CSMD1: variants seen among roughly 807,000 people sequenced by gnomAD.
The protein encoded by CSMD1 is CUB and Sushi multiple domains 1.
Under a neutral mutation model 417.5 loss-of-function variants are expected in CSMD1, and 213 were observed. That is an observed-to-expected ratio of 0.51 (90% CI 0.46 to 0.57). CSMD1 has a LOEUF of 0.57. Ranked by LOEUF, CSMD1 falls within the 20% of genes least tolerant of loss-of-function variation. The probability of loss-of-function intolerance (pLI) is 0.00; values close to 1 mark genes in which losing one functional copy is unlikely to be tolerated. For missense variants in CSMD1, 6,923 were observed against 4,529.7 expected (o/e 1.53, Z -15.17); for synonymous variants, 2,862 against 1,736.8 (o/e 1.65, Z -16.11).
At chr8:3,365,103 C>T (rs1809466915) in intron 20 of CSMD1, among the ~76,000 whole-genome samples, 1 of 152,044 alleles carries the variant, frequency 6.6e-6, no homozygotes, top group South Asian at 2.1e-4. Flanking sequence ...CATAGCAATA[C>T]TAATTGAGAT....
chr8:3,640,437 G>T (rs1304123514), intron 7 of CSMD1, among the ~76,000 whole-genome samples: 1 of 152,110 alleles, frequency 6.6e-6, no homozygotes, highest in East Asian at 1.9e-4. Context: ...TCTTTCCTAT[G>T]TCCTCGGACT....
intron 25 of CSMD1, among the ~76,000 whole-genome samples, chr8:3,288,335 C>T (rs1387802024): frequency 1.4e-5 from 2 of 147,088 alleles, no homozygotes; most frequent in Non-Finnish European, 2.9e-5. Context: ...GGGAGGATTC[C>T]TTCTTTTTCT....
intron 2 of CSMD1, among the ~76,000 whole-genome samples, chr8:4,441,532 A>G (rs1166159660): frequency 6.6e-6 from 1 of 152,092 alleles, no homozygotes; most frequent in Non-Finnish European, 1.5e-5. Context: ...TTCAATTTTC[A>G]TGTGCAAAAC....
intron 21 of CSMD1, among the ~76,000 whole-genome samples, chr8:3,349,976 C>G (rs1015578937): frequency 7.2e-6 from 1 of 139,788 alleles, no homozygotes; most frequent in African/African-American, 2.7e-5. Flanking sequence ...ACCTATAATA[C>G]CTATAATTAC....
chr8:4,406,840 C>G (rs1053914468), intron 3 of CSMD1, among the ~76,000 whole-genome samples: 2 of 152,146 alleles, frequency 1.3e-5, no homozygotes, highest in Non-Finnish European at 2.9e-5. Flanking sequence ...TACAGCAAAA[C>G]TATTAAAATG....
intron 1 of CSMD1, 52 bp downstream of exon 1, chr8:4,994,280 G>C (rs1381845491): frequency 9.8e-6 from 15 of 1,536,560 alleles, no homozygotes; most frequent in Non-Finnish European, 1.3e-5. Flanking sequence ...GTCCGCACAC[G>C]GGGCCTCCGA....
intron 46 of CSMD1, among the ~76,000 whole-genome samples, chr8:3,100,920 G>A (rs1267586897): frequency 6.6e-6 from 1 of 152,140 alleles, no homozygotes; most frequent in Non-Finnish European, 1.5e-5. Flanking sequence ...TGTGATGCCT[G>A]CTATTATCCA....
At chr8:4,416,452 A>C (rs992020486) in intron 3 of CSMD1, among the ~76,000 whole-genome samples, 2 of 152,094 alleles carry the variant, frequency 1.3e-5, no homozygotes, top group African/African-American at 4.8e-5. Flanking sequence ...TTGAAATTAT[A>C]TTCATAATAA....
chr8:4,984,671 A>G (rs146844508), intron 1 of CSMD1, among the ~76,000 whole-genome samples: 151 of 152,336 alleles, frequency 9.9e-4, no homozygotes, highest in Non-Finnish European at 1.6e-3. Context: ...CTTGCCAGAT[A>G]GATGGAGAGA....
chr8:3,695,171 C>T (rs187789399), intron 7 of CSMD1, among the ~76,000 whole-genome samples: 2 of 150,682 alleles, frequency 1.3e-5, no homozygotes, highest in Non-Finnish European at 3.0e-5. Flanking sequence ...GGACATATTT[C>T]CAAGGACCTC....
chr8:4,116,001 TTTATTTA>T (rs1802119306), intron 3 of CSMD1, among the ~76,000 whole-genome samples: 1 of 126,244 alleles, frequency 7.9e-6, no homozygotes, highest in Admixed American at 8.5e-5. Flanking sequence ...TATTTATTTA[TTTATTTA>T]TTTATTTATG....
At chr8:4,516,319 C>G (rs1803120902) in intron 2 of CSMD1, among the ~76,000 whole-genome samples, 1 of 152,132 alleles carries the variant, frequency 6.6e-6, no homozygotes, top group African/African-American at 2.4e-5. Flanking sequence ...CTTCTCGATT[C>G]CAAAATTAAG....
chr8:4,757,902 G>T (rs191318322), intron 1 of CSMD1, among the ~76,000 whole-genome samples: 1 of 150,238 alleles, frequency 6.7e-6, no homozygotes, highest in Non-Finnish European at 1.5e-5. Context: ...GCGGTTGAAG[G>T]GAGCCGACAT....
intron 10 of CSMD1, among the ~76,000 whole-genome samples, chr8:3,525,387 A>G (rs533282461): frequency 1.3e-5 from 2 of 152,314 alleles, no homozygotes; most frequent in South Asian, 4.1e-4. Flanking sequence ...AGGTGGATTT[A>G]ATTTCAAGGT....
chr8:3,498,231 T>C (rs1183162767), intron 10 of CSMD1, among the ~76,000 whole-genome samples: 1 of 152,202 alleles, frequency 6.6e-6, no homozygotes, highest in African/African-American at 2.4e-5. Flanking sequence ...TTTTTAGACT[T>C]CTCTTTGTCT....
intron 11 of CSMD1, among the ~76,000 whole-genome samples, chr8:3,476,718 G>T (rs969296600): frequency 2.0e-5 from 3 of 151,918 alleles, no homozygotes; most frequent in Non-Finnish European, 4.4e-5. Flanking sequence ...AGGAGTTCGA[G>T]ACCAGCCTGG....
chr8:3,637,314 A>G (rs79808917), intron 7 of CSMD1, among the ~76,000 whole-genome samples: 2,156 of 152,260 alleles, frequency 0.014, 57 homozygotes, highest in East Asian at 0.13. Context: ...TAAACAATCT[A>G]TGTCTAAGAT....
At chr8:4,653,439 TC>T (rs1804033353) in intron 1 of CSMD1, among the ~76,000 whole-genome samples, 1 of 152,150 alleles carries the variant, frequency 6.6e-6, no homozygotes, top group African/African-American at 2.4e-5. Context: ...ACCTTGTCTG[TC>T]ATGTTATTTT....
At chr8:4,728,038 G>C (rs1809584516) in intron 1 of CSMD1, among the ~76,000 whole-genome samples, 2 of 140,068 alleles carry the variant, frequency 1.4e-5, no homozygotes, top group Non-Finnish European at 3.1e-5. Flanking sequence ...CTATTTTTTT[G>C]GTTTATTGTT....
Sources: allele counts gnomAD v4.1 joint callset (sites outside exome capture counted in the v4.1 genomes callset), GRCh38; gene constraint gnomAD v4.1.1; transcripts MANE v1.5; gene names NCBI Gene and HGNC (gene_info 2026-07-23, HGNC 2026-07-21).